MYBPC1: variants seen among roughly 807,000 people sequenced by gnomAD.
The protein encoded by MYBPC1 is myosin binding protein C1, also known as myosin-binding protein C, slow-type.
A neutral mutation model predicts 147.1 loss-of-function variants in MYBPC1; 52 were observed. The ratio of observed to expected loss-of-function variants is 0.35; its 90% confidence interval spans 0.28 to 0.45. MYBPC1 has a LOEUF of 0.45. MYBPC1 is among the 20% of genes least tolerant of loss of function. MYBPC1 has a pLI of 1.00. For synonymous variants in MYBPC1, 477 were observed against 475.9 expected, an observed-to-expected ratio of 1.00 and a Z score of -0.03; for missense variants, 1,228 against 1,440.3, an observed-to-expected ratio of 0.85 and a Z score of 2.39.
chr12:101,672,526 A>G (rs1310061427), intron 24 of MYBPC1, among the ~76,000 whole-genome samples: 1 of 152,224 alleles, frequency 6.6e-6, no homozygotes, highest in East Asian at 1.9e-4. Flanking sequence ...TGAGCAGCAC[A>G]GGACAGTAGA....
At chr12:101,663,760 T>C (rs1402628467) in intron 22 of MYBPC1, among the ~76,000 whole-genome samples, 200 bp downstream of exon 22, 3 of 152,234 alleles carry the variant, frequency 2.0e-5, no homozygotes, top group Non-Finnish European at 4.4e-5. Context: ...CTCAAAAGTA[T>C]CTTGGCTAGG....
In MYBPC1 at chr12:101,666,926, CACAT is replaced by C. The variant is rs371304660; in HGVS notation, c.2357-802_2357-799del. On this transcript the variant is annotated intron_variant, in intron 22 of 31. Coordinates refer to ENST00000361466, the MANE Select transcript of MYBPC1 (RefSeq NM_002465.4). ...ACACACACACACACACACACACACA[CACAT>C]ACACACACACACATCCTTAGAGATG... is the stretch of plus-strand genomic sequence containing the variant. 0.023 allele frequency: 7,470 copies of C among 322,648 alleles called. 26 individuals are homozygous for C. The highest frequency in any genetic ancestry group is 0.031 in the East Asian group (397 of 12,658). The allele number at this position is 322,648 out of a possible 1,614,324, so 20.0% of individuals were successfully genotyped here.
At chr12:101,606,910 C>G (rs1020397573) in intron 1 of MYBPC1, among the ~76,000 whole-genome samples, 1 of 152,064 alleles carries the variant, frequency 6.6e-6, no homozygotes, top group African/African-American at 2.4e-5. Context: ...CTGCAACCTT[C>G]GCCTACCCAG....
At chr12:101,658,248 A>G (rs559182957) in intron 18 of MYBPC1, among the ~76,000 whole-genome samples, 14 of 152,306 alleles carry the variant, frequency 9.2e-5, no homozygotes, top group African/African-American at 3.1e-4. Context: ...TTGAAAATCA[A>G]TTAATGTAAT....
chr12:101,687,081 A>T (rs780025375), downstream of MYBPC1, among the ~76,000 whole-genome samples: 34 of 151,694 alleles, frequency 2.2e-4, no homozygotes, highest in East Asian at 3.9e-4. Flanking sequence ...ATATATATAT[A>T]TTTTTATTAT....
chr12:101,597,267 C>G (rs181466554), intron 1 of MYBPC1, among the ~76,000 whole-genome samples: 1 of 152,164 alleles, frequency 6.6e-6, no homozygotes, highest in Non-Finnish European at 1.5e-5. Context: ...TGCAGAAACC[C>G]TCCCAAAGAA....
At chr12:101,616,616 AG>A (rs1208453420) in intron 2 of MYBPC1, among the ~76,000 whole-genome samples, 3 of 152,206 alleles carry the variant, frequency 2.0e-5, no homozygotes, top group Non-Finnish European at 4.4e-5. Flanking sequence ...CCAAACACAG[AG>A]AAATGCAAAC....
chr12:101,640,565 G>A (rs1261708965), intron 10 of MYBPC1, among the ~76,000 whole-genome samples: 1 of 152,170 alleles, frequency 6.6e-6, no homozygotes, highest in East Asian at 1.9e-4. Flanking sequence ...TGCTAATGGT[G>A]TTGTCTAGTC....
rs539812020 is a variant in MYBPC1, at chr12:101,678,687, T to C, written c.3246+449T>C. Among the ~76,000 whole-genome samples the C allele has an allele frequency of 9.4e-4, 143 of 152,184 alleles. 1 individual carries two copies. The highest frequency in any genetic ancestry group is 1.8e-3 in the Non-Finnish European group (123 of 68,034). On this transcript the variant is annotated intron_variant, in intron 28 of 31. Transcript: ENST00000361466. ...GGGTACAGTGTGCTAAGAAGGGAGC[T>C]ATCATATCCAGTTGAAGAGATTAGA...
Position 101,673,524 on chromosome 12 carries a change from T to G in MYBPC1, c.2711T>G (p.Phe904Cys). ...AACTCTGAGACTGATACAATCATAT[T>G]TATTAGAAAAGCAGAGAGGAGCCAC... The part of the protein sequence containing the change: ...IRNSETDTII[F>C]IRKAERSHSG... Residue 904 changes from phenylalanine to cysteine, a missense_variant, in exon 25 of 32, where the codon TTT becomes TGT. Phe to Cys is a radical substitution (Grantham distance 205). Around this residue, in one of 2 missense-constraint regions of MYBPC1, gnomAD observed 1,077 missense variants for 1,314.2 expected, o/e 0.82. Transcript: ENST00000361466. 6.2e-7 allele frequency: 1 copy of G among 1,613,990 alleles called. No individual in the cohort carries two copies. Among genetic ancestry groups the G allele is most frequent in the East Asian group, 2.2e-5 (1 of 44,896 alleles).
At position 101,614,487 on chromosome 12, in the gene MYBPC1, C is replaced by T. The variant is rs181619118; in HGVS notation, c.26-9C>T. 0.012 allele frequency: 18,773 copies of T among 1,613,710 alleles called. 155 individuals carry two copies. The highest frequency in any genetic ancestry group is 0.038 in the Middle Eastern group (229 of 6,036). On this transcript the variant is annotated splice_polypyrimidine_tract_variant and intron_variant, in intron 1 of 31. Transcript: ENST00000361466. The stretch of plus-strand genomic sequence containing the variant: ...AGCCTGACATTTCCATGACTCTTTC[C>T]ATTTCTAGAAAATGAAGTGCCAGCC...
intron 1 of MYBPC1, among the ~76,000 whole-genome samples, chr12:101,612,433 G>T (rs825077): frequency 0.54 from 82,077 of 151,964 alleles, 23,873 homozygotes; most frequent in African/African-American, 0.77. Flanking sequence ...GGTCAGAAGG[G>T]GAACAGAAAT....
chr12:101,685,790 C>A lies in MYBPC1; in HGVS notation c.*228C>A. The A allele has an allele frequency of 6.4e-6, 4 of 628,420 alleles. No homozygotes were observed. The highest frequency in any genetic ancestry group is 2.8e-5 in the South Asian group (1 of 36,344). 38.9% of individuals were successfully genotyped at this position (628,420 alleles called of 1,614,324 possible). A position where few individuals can be genotyped will look rare whatever the true frequency, so the allele number is the denominator to read the frequency against. ...CCAGGCCCCCAAGTGTGGTCTTTTT[C>A]TTTCCTCCTAATGTTGAAGAGAAAA... On this transcript the variant is annotated 3_prime_UTR_variant, in exon 32 of 32. Transcript: ENST00000361466.
intron 10 of MYBPC1, among the ~76,000 whole-genome samples, chr12:101,637,473 T>C (rs184855299): frequency 3.9e-5 from 6 of 152,276 alleles, no homozygotes; most frequent in Admixed American, 1.3e-4. Flanking sequence ...TACTATATTA[T>C]ATGCCTGTTA....
intron 3 of MYBPC1, among the ~76,000 whole-genome samples, chr12:101,620,942 T>G (rs1887229155): frequency 6.6e-6 from 1 of 152,198 alleles, no homozygotes. Context: ...ATGAACCCTG[T>G]GTGTATTAAA....
At chr12:101,625,562 G>C (rs916114600) in intron 3 of MYBPC1, among the ~76,000 whole-genome samples, 1 of 152,210 alleles carries the variant, frequency 6.6e-6, no homozygotes, top group Admixed American at 6.5e-5. Context: ...TAATTAGTTA[G>C]TGCAGCTTTT....
At chr12:101,611,552 C>G (rs1212303251) in intron 1 of MYBPC1, among the ~76,000 whole-genome samples, 3 of 152,152 alleles carry the variant, frequency 2.0e-5, no homozygotes, top group African/African-American at 7.2e-5. Flanking sequence ...CCAAAAGAAG[C>G]CCTCCTTAAT....
chr12:101,682,734 C>T, intron 30 of MYBPC1, 72 bp downstream of exon 30: 1 of 1,369,476 alleles, frequency 7.3e-7, no homozygotes, highest in Non-Finnish European at 1.0e-6. Flanking sequence ...ATGCACCTTG[C>T]ATGTAAAGCT....
intron 26 of MYBPC1, 44 bp from the exon 27 acceptor site, chr12:101,677,191 C>T (rs1466297270): frequency 3.8e-6 from 6 of 1,580,968 alleles, no homozygotes; most frequent in Non-Finnish European, 5.2e-6. Flanking sequence ...AAATTGTATA[C>T]TTTTAGGTGA....
Sources: gnomAD v4.1 joint callset for allele counts (sites outside exome capture counted in the v4.1 genomes callset) on GRCh38, gnomAD v4.1.1 for gene constraint, gnomAD v4.1.1 regional missense constraint, MANE v1.5 for transcripts, NCBI Gene and HGNC (gene_info 2026-07-23, HGNC 2026-07-21) for gene names.